Variants in TSC22D1 observed in about 807,000 individuals in gnomAD.
The protein encoded by TSC22D1 is TSC22 domain family member 1.
A neutral mutation model predicts 74.2 loss-of-function variants in TSC22D1; 9 were observed. That is an observed-to-expected ratio of 0.12 (90% CI 0.07 to 0.21). The LOEUF (loss-of-function observed/expected upper bound fraction) is 0.21. Ranked by LOEUF, TSC22D1 falls within the 10% of genes least tolerant of loss-of-function variation. The pLI is 1.00. For missense variants in TSC22D1, 1,427 were observed against 1,304.7 expected (o/e 1.09, Z -1.44); for synonymous variants, 586 against 492.5 (o/e 1.19, Z -2.51).
At chr13:44,567,499 GAAAGAAAAAAAAAA>G (rs1883455848) in intron 1 of TSC22D1, among the ~76,000 whole-genome samples, 2 of 143,150 alleles carry the variant, frequency 1.4e-5, no homozygotes, top group Non-Finnish European at 3.0e-5. Flanking sequence ...ACACCACATA[GAAAGAAAAAAAAAA>G]CTTTTTAAAA....
chr13:44,506,901 G>C (rs559203278), intron 1 of TSC22D1, among the ~76,000 whole-genome samples: 6 of 152,324 alleles, frequency 3.9e-5, no homozygotes, highest in African/African-American at 1.4e-4. Context: ...ACAATGGGAT[G>C]AATGTGTACA....
intron 1 of TSC22D1, among the ~76,000 whole-genome samples, chr13:44,489,712 A>G (rs1195562160): frequency 6.6e-6 from 1 of 152,142 alleles, no homozygotes; most frequent in African/African-American, 2.4e-5. Context: ...AAAGAAAAAT[A>G]GGCAAGAGAC....
intron 1 of TSC22D1, among the ~76,000 whole-genome samples, chr13:44,455,660 T>G (rs1186290927): frequency 6.6e-6 from 1 of 152,224 alleles, no homozygotes; most frequent in Non-Finnish European, 1.5e-5. Context: ...AGATATGCAA[T>G]GATAGCTCTT....
Position 44,575,287 on chromosome 13 carries a change from G to C in TSC22D1, c.788C>G (p.Ser263Cys). The change falls in exon 1 of 3, where the codon TCT (serine) becomes TGT (cysteine). Residue 263 changes from serine (S) to cysteine (C), a missense_variant. By Grantham distance (112) the Ser-to-Cys change is moderately radical (BLOSUM62 -1). This residue lies in a region of TSC22D1 where 1,343 missense variants were observed against 1,191.5 expected (regional missense o/e 1.13). Transcript: ENST00000458659. ...GATACTGTCAGAGCTTCCAGTTGTA[G>C]AGAGTTTTCTAGATACTGGGCTTGA... ...PPSSPVSRKL[S>C]TTGSSDSITP... 6.2e-7 allele frequency: 1 copy of C among 1,614,186 alleles called. No homozygotes were observed. The highest frequency in any genetic ancestry group is 8.5e-7 in the Non-Finnish European group (1 of 1,180,042).
chr13:44,519,861 A>G (rs1199725370), intron 1 of TSC22D1, among the ~76,000 whole-genome samples: 17 of 152,126 alleles, frequency 1.1e-4, no homozygotes, highest in African/African-American at 3.9e-4. Flanking sequence ...CCGTAAAAAA[A>G]CCAACAGGAC....
In TSC22D1 at chr13:44,574,460, T is replaced by C. The variant is rs1025198870; in HGVS notation, c.1615A>G (p.Ile539Val). 1.2e-5 allele frequency: 20 copies of C among 1,613,998 alleles called. No individual in the cohort carries two copies. Among genetic ancestry groups the C allele is most frequent in the East Asian group, 2.2e-5 (1 of 44,882 alleles). Residue 539 changes from isoleucine to valine, a missense_variant, in exon 1 of 3, where the codon ATT (isoleucine) becomes GTT (valine). Physicochemically the swap from Ile to Val is conservative, Grantham distance 29. Around this residue, in one of 3 missense-constraint regions of TSC22D1, gnomAD observed 1,343 missense variants for 1,191.5 expected, o/e 1.13. Transcript: ENST00000458659. Reference sequence around the variant, plus strand: ...ACTTGTGAGATCTGTGACTGAGAAATACTCTGTGGTATACTAACTGCTGGA... The same window carrying C: ...ACTTGTGAGATCTGTGACTGAGAAACACTCTGTGGTATACTAACTGCTGGA... ...SIPAVSIPQS[I>V]SQSQISQVQL...
At chr13:44,489,805 A>C (rs1007646038) in intron 1 of TSC22D1, among the ~76,000 whole-genome samples, 2 of 152,264 alleles carry the variant, frequency 1.3e-5, no homozygotes, top group African/African-American at 4.8e-5. Context: ...AACAGCAATA[A>C]GGGAAATGCA....
intron 1 of TSC22D1, among the ~76,000 whole-genome samples, chr13:44,441,636 G>A (rs1228790018): frequency 6.6e-6 from 1 of 152,050 alleles, no homozygotes; most frequent in African/African-American, 2.4e-5. Context: ...AGGTAAAAAT[G>A]AGAAAAAACA....
intron 1 of TSC22D1, among the ~76,000 whole-genome samples, chr13:44,529,351 G>A (rs1880712303): frequency 2.0e-5 from 3 of 151,862 alleles, no homozygotes; most frequent in Admixed American, 2.0e-4. Context: ...TGCAGAAAAA[G>A]CACATGACAA....
At chr13:44,539,119 T>A in intron 1 of TSC22D1, 1 of 985,272 alleles carries the variant, frequency 1.0e-6, no homozygotes, top group Non-Finnish European at 1.2e-6. Context: ...TCTTTTACCA[T>A]AAATATTTAT....
intron 1 of TSC22D1, among the ~76,000 whole-genome samples, chr13:44,524,363 A>G (rs1259476360): frequency 6.6e-6 from 1 of 152,198 alleles, no homozygotes; most frequent in Non-Finnish European, 1.5e-5. Context: ...TGCCTCCTCC[A>G]AAACTAAAGA....
rs796162380 is a variant in TSC22D1, at chr13:44,434,101, GTTTT to G, written c.*521_*524del. ...GAGAAGAAAGAGGCACAGTACTATT[GTTTT>G]TTATGAATTTTGGTGACAGTTGTCA... On this transcript the variant is annotated 3_prime_UTR_variant, in exon 3 of 3. Transcript: ENST00000458659. 14 of 1,504,092 alleles carry G rather than the reference GTTTT, an allele frequency of 9.3e-6. No homozygotes were observed. The highest frequency in any genetic ancestry group is 5.7e-5 in the African/African-American group (4 of 70,686). The allele number at this position is 1,504,092 out of a possible 1,614,324, so 93.2% of individuals were successfully genotyped here.
Position 44,540,984 on chromosome 13 carries a change from G to C in TSC22D1, c.2912+32179C>G, listed in dbSNP as rs112792647. Reference sequence around the variant, plus strand: ...ATCCTTGTTCTACGGAGTACAGTCAGTCACAGTATCCTATTTCTAGGACAT... The same window carrying C: ...ATCCTTGTTCTACGGAGTACAGTCACTCACAGTATCCTATTTCTAGGACAT... On this transcript the variant is annotated intron_variant, in intron 1 of 2. Coordinates refer to ENST00000458659, the MANE Select transcript of TSC22D1 (RefSeq NM_183422.4). Among the ~76,000 whole-genome samples, 46 of 152,306 alleles carry C rather than the reference G, an allele frequency of 3.0e-4. 1 individual carries two copies. The highest frequency in any genetic ancestry group is 1.1e-3 in the African/African-American group (46 of 41,572).
In TSC22D1 at chr13:44,436,224, G is replaced by GT. The variant is rs1479224903; in HGVS notation, c.2913-130dup. The GT allele has an allele frequency of 3.6e-6, 4 of 1,110,074 alleles. No individual in the cohort carries two copies. In the African/African-American group the frequency reaches 6.4e-5, roughly 18 times the overall value. The allele number at this position is 1,110,074 out of a possible 1,614,324, so 68.8% of individuals were successfully genotyped here. A position where few individuals can be genotyped will look rare whatever the true frequency, so the allele number is the denominator to read the frequency against. On this transcript the variant is annotated intron_variant, in intron 1 of 2. Transcript: ENST00000458659. ...TGAATGTTATTTAACACTATGTAAT[G>GT]TATCACCCTCCAGAAAATGCCAGCC...
At chr13:44,459,841 G>A (rs1876901187) in intron 1 of TSC22D1, among the ~76,000 whole-genome samples, 1 of 152,240 alleles carries the variant, frequency 6.6e-6, no homozygotes, top group African/African-American at 2.4e-5. Flanking sequence ...ACCTGGCTGT[G>A]CACAGTGGTG....
intron 1 of TSC22D1, among the ~76,000 whole-genome samples, chr13:44,520,436 C>T (rs545425806): frequency 6.6e-6 from 1 of 152,138 alleles, no homozygotes; most frequent in Admixed American, 6.5e-5. Context: ...GAGGTGGAAG[C>T]AAGATTCAAG....
chr13:44,458,912 C>T (rs1209991243), intron 1 of TSC22D1, among the ~76,000 whole-genome samples: 1 of 152,102 alleles, frequency 6.6e-6, no homozygotes, highest in Non-Finnish European at 1.5e-5. Context: ...TGCAGGCACC[C>T]CTCAGTACGA....
At chr13:44,540,322 C>T (rs1881391824) in intron 1 of TSC22D1, among the ~76,000 whole-genome samples, 1 of 152,084 alleles carries the variant, frequency 6.6e-6, no homozygotes, top group Non-Finnish European at 1.5e-5. Flanking sequence ...AGAAGATGGA[C>T]TGAAAAGTAG....
At chr13:44,446,850 AGAG>A (rs1875714087) in intron 1 of TSC22D1, among the ~76,000 whole-genome samples, 1 of 101,826 alleles carries the variant, frequency 9.8e-6, no homozygotes, top group Non-Finnish European at 2.1e-5. Flanking sequence ...AAGAAGAAGA[AGAG>A]GAAAAGAAGA....
Sources: gnomAD v4.1 joint callset for allele counts (sites outside exome capture counted in the v4.1 genomes callset) on GRCh38, gnomAD v4.1.1 for gene constraint, gnomAD v4.1.1 regional missense constraint, MANE v1.5 for transcripts, NCBI Gene and HGNC (gene_info 2026-07-23, HGNC 2026-07-21) for gene names.